The following PTPRG variants were observed in gnomAD, a reference collection of about 807,000 sequenced individuals.
The protein encoded by PTPRG is protein tyrosine phosphatase receptor type G.
PTPRG carries 102 observed loss-of-function variants against 165.3 expected under a neutral mutation model. The observed-to-expected ratio is 0.62, with a 90% CI of 0.53 to 0.73. The LOEUF (loss-of-function observed/expected upper bound fraction) is 0.73, where lower values mean the gene tolerates loss of function less well. Among genes scored for constraint, PTPRG ranks in the 30% least tolerant of loss-of-function variants. PTPRG has a pLI of 0.00. For missense variants in PTPRG, 1,866 were observed against 1,861.4 expected (o/e 1.00, Z -0.05); for synonymous variants, 675 against 669.5 (o/e 1.01, Z -0.13).
intron 6 of PTPRG, among the ~76,000 whole-genome samples, chr3:62,140,481 T>C (rs1366013539): frequency 6.6e-6 from 1 of 152,180 alleles, no homozygotes; most frequent in Non-Finnish European, 1.5e-5. Context: ...GGGTAATGCA[T>C]GATTCCATTT....
intron 2 of PTPRG, among the ~76,000 whole-genome samples, chr3:61,918,906 C>T (rs758400833): frequency 6.6e-6 from 1 of 152,078 alleles, no homozygotes; most frequent in Non-Finnish European, 1.5e-5. Flanking sequence ...GGTGGGAGAT[C>T]GTGGTTCTGT....
chr3:62,231,629 T>A (rs186919546), intron 14 of PTPRG, among the ~76,000 whole-genome samples: 37 of 152,270 alleles, frequency 2.4e-4, no homozygotes, highest in Middle Eastern at 3.4e-3. Flanking sequence ...ATCCATTTTC[T>A]TTCCAAATTT....
At chr3:62,083,319 T>A (rs950569253) in intron 5 of PTPRG, among the ~76,000 whole-genome samples, 1 of 152,054 alleles carries the variant, frequency 6.6e-6, no homozygotes, top group African/African-American at 2.4e-5. Context: ...CAGGCAGGTC[T>A]TGAACTCCTG....
chr3:61,730,915 C>A (rs1326753452), intron 1 of PTPRG, among the ~76,000 whole-genome samples: 2 of 152,166 alleles, frequency 1.3e-5, no homozygotes, highest in Non-Finnish European at 2.9e-5. Flanking sequence ...AACATTGATT[C>A]ATTTGGCTAT....
At chr3:62,286,403 C>G (rs1276736545) in intron 28 of PTPRG, among the ~76,000 whole-genome samples, 1 of 151,964 alleles carries the variant, frequency 6.6e-6, no homozygotes, top group Non-Finnish European at 1.5e-5. Context: ...GGTTATAACT[C>G]TGGATAGCAA....
At chr3:61,722,153 G>T (rs1303337968) in intron 1 of PTPRG, among the ~76,000 whole-genome samples, 2 of 152,026 alleles carry the variant, frequency 1.3e-5, no homozygotes, top group African/African-American at 2.4e-5. Context: ...GCTGGCGTCT[G>T]GTGAGGGCTT....
rs1337442976 is a variant in PTPRG, at chr3:62,245,089, C to T, written c.2467+1191C>T. On this transcript the variant is annotated intron_variant, in intron 15 of 29. Coordinates refer to ENST00000474889, the MANE Select transcript of PTPRG (RefSeq NM_002841.4). This position sits in a 1 kb window ranked among gnomAD's most constrained non-coding sequence, Gnocchi z 4.2. Reference sequence around the variant, plus strand: ...CAGCTTTTCTCACTAAAACTTGCCACACAGAAACAAGAAGATTAACAGAAA... The same window carrying T: ...CAGCTTTTCTCACTAAAACTTGCCATACAGAAACAAGAAGATTAACAGAAA... 5.9e-5 allele frequency among the ~76,000 whole-genome samples: 9 copies of T among 152,278 alleles called. No homozygotes were observed. In the East Asian group the frequency reaches 1.7e-3, roughly 29 times the overall value.
intron 6 of PTPRG, among the ~76,000 whole-genome samples, chr3:62,137,793 CATT>C (rs1211420318): frequency 1.3e-5 from 2 of 152,160 alleles, no homozygotes; most frequent in African/African-American, 2.4e-5. Flanking sequence ...AGAAACGATT[CATT>C]GTTGTTGCAT....
intron 4 of PTPRG, among the ~76,000 whole-genome samples, chr3:62,047,679 C>T (rs7640737): frequency 0.12 from 18,476 of 152,150 alleles, 1,209 homozygotes; most frequent in South Asian, 0.21. Flanking sequence ...TTATGTAATA[C>T]GCATTTTCCC....
At chr3:61,958,216 TC>T (rs2040077481) in intron 2 of PTPRG, among the ~76,000 whole-genome samples, 1 of 152,110 alleles carries the variant, frequency 6.6e-6, no homozygotes, top group Non-Finnish European at 1.5e-5. Flanking sequence ...AACCTCTGCC[TC>T]CCGAGTTCAA....
chr3:61,791,110 A>G (rs2034855696), intron 2 of PTPRG, among the ~76,000 whole-genome samples: 1 of 152,192 alleles, frequency 6.6e-6, no homozygotes, highest in African/African-American at 2.4e-5. Flanking sequence ...GTATGGTATA[A>G]TTTTTATTAT....
chr3:61,648,162 T>C (rs1157544432), intron 1 of PTPRG, among the ~76,000 whole-genome samples: 2 of 152,110 alleles, frequency 1.3e-5, no homozygotes, highest in African/African-American at 4.8e-5. Flanking sequence ...TACTGCAGGG[T>C]GTTGTGGACC....
intron 6 of PTPRG, among the ~76,000 whole-genome samples, chr3:62,140,851 C>CAAAAAAAAA (rs58630476): frequency 2.8e-4 from 20 of 71,176 alleles, no homozygotes; most frequent in African/African-American, 8.5e-4. Context: ...GACTCGGTCT[C>CAAAAAAAAA]AAAAAAAAAA....
At chr3:61,932,551 T>G (rs1203042827) in intron 2 of PTPRG, among the ~76,000 whole-genome samples, 1 of 152,218 alleles carries the variant, frequency 6.6e-6, no homozygotes, top group Non-Finnish European at 1.5e-5. Flanking sequence ...TCTTACTGTG[T>G]GCAAGGCGCT....
Position 62,267,772 on chromosome 3 carries a change from A to C in PTPRG, c.2827A>C (p.Asn943His). ...TTTCTGGAGGATGATTTGGGAACAA[A>C]ACACTGGAATCATTGTGATGATTAC... ...EDFWRMIWEQ[N>H]TGIIVMITNL... is the part of the protein sequence containing the mutation. The change falls in exon 19 of 30, where the codon AAC (asparagine) becomes CAC (histidine). Residue 943 changes from asparagine (N) to histidine (H), a missense_variant. Coordinates refer to ENST00000474889, the MANE Select transcript of PTPRG (RefSeq NM_002841.4). 1 of 1,613,606 alleles carries C rather than the reference A, an allele frequency of 6.2e-7. No homozygotes were observed. The highest frequency in any genetic ancestry group is 8.5e-7 in the Non-Finnish European group (1 of 1,179,570).
chr3:61,814,690 G>A (rs1377188571), intron 2 of PTPRG, among the ~76,000 whole-genome samples: 1 of 151,548 alleles, frequency 6.6e-6, no homozygotes, highest in Admixed American at 6.6e-5. Flanking sequence ...GAAGTAACCT[G>A]TATAAAAACT....
intron 2 of PTPRG, among the ~76,000 whole-genome samples, chr3:61,825,480 G>A (rs897751447): frequency 2.0e-5 from 3 of 152,096 alleles, no homozygotes; most frequent in Non-Finnish European, 2.9e-5. Flanking sequence ...TTGTTTTGAT[G>A]GTTTTACAAT....
chr3:62,067,830 CTG>C (rs1701068665), intron 4 of PTPRG, among the ~76,000 whole-genome samples: 1 of 152,196 alleles, frequency 6.6e-6, no homozygotes, highest in Admixed American at 6.5e-5. Flanking sequence ...TTAGGGACCT[CTG>C]TGCTAGATGC....
chr3:61,839,192 C>G (rs1310899982), intron 2 of PTPRG, among the ~76,000 whole-genome samples: 1 of 152,062 alleles, frequency 6.6e-6, no homozygotes, highest in Non-Finnish European at 1.5e-5. Context: ...CAGAAAATTA[C>G]TTTTATTGGA....
Sources: gnomAD v4.1 joint callset for allele counts (sites outside exome capture counted in the v4.1 genomes callset) on GRCh38, gnomAD v4.1.1 for gene constraint, Gnocchi (gnomAD v3.1) non-coding constraint, MANE v1.5 for transcripts, NCBI Gene and HGNC (gene_info 2026-07-23, HGNC 2026-07-21) for gene names.